The following NRDE2 variants were observed in gnomAD, a reference collection of about 807,000 sequenced individuals.
NRDE2 encodes the protein nuclear exosome regulator NRDE2.
Under a neutral mutation model 124.2 loss-of-function variants are expected in NRDE2, and 76 were observed. The observed-to-expected ratio is 0.61, with a 90% CI of 0.51 to 0.74. NRDE2 has a LOEUF of 0.74. Among genes scored for constraint, NRDE2 ranks in the 30% least tolerant of loss-of-function variants. The pLI is 0.00. For synonymous variants in NRDE2, 489 were observed against 528.1 expected, an observed-to-expected ratio of 0.93 and a Z score of 1.01; for missense variants, 1,314 against 1,417.3, an observed-to-expected ratio of 0.93 and a Z score of 1.17.
chr14:90,278,651 C>T (rs774317012), intron 13 of NRDE2, 190 bp from the exon 14 acceptor site: 1 of 626,496 alleles, frequency 1.6e-6, no homozygotes, highest in Non-Finnish European at 2.7e-6. Context: ...ACTGAACTCG[C>T]AAAAGTGAGC....
chr14:90,321,947 G>C (rs1566701888), intron 1 of NRDE2, among the ~76,000 whole-genome samples: 1 of 152,278 alleles, frequency 6.6e-6, no homozygotes, highest in East Asian at 1.9e-4. Context: ...GCTCTTCAGA[G>C]CACAGCCTGG....
Position 90,290,113 on chromosome 14 carries a change from T to A in NRDE2, c.2229+108A>T, listed in dbSNP as rs1057353067. On this transcript the variant is annotated intron_variant, in intron 10 of 13. Transcript: ENST00000354366. ...CCTTCAGGGTCACTGGAGGAGGAGG[T>A]GCTGGGGCATAGTTCCAGGGAGAGC... The A allele has an allele frequency of 3.2e-5, 39 of 1,203,704 alleles. No homozygotes were observed. The African/African-American group carries it at 5.8e-4, about 18-fold the overall frequency. 74.6% of individuals were successfully genotyped at this position (1,203,704 alleles called of 1,614,324 possible). A position where few individuals can be genotyped will look rare whatever the true frequency, so the allele number is the denominator to read the frequency against.
In NRDE2 at chr14:90,303,031, A is replaced by G. The variant is rs752104653; in HGVS notation, c.1100T>C (p.Leu367Pro). ...CTCAATGGCCCGCTCCAGAATGGCC[A>G]GCTTCTTCTCCAGAATGAGCTTCAG... ...RSLKLILEKK[L>P]AILERAIESN... The change falls in exon 6 of 14, where the codon CTG becomes CCG. Residue 367 changes from leucine (L) to proline (P), a missense_variant. Physicochemically the swap from Leu to Pro is moderately conservative, Grantham distance 98. Coordinates refer to ENST00000354366, the MANE Select transcript of NRDE2 (RefSeq NM_017970.4). 1 of 1,614,030 alleles carries G rather than the reference A, an allele frequency of 6.2e-7. No individual in the cohort carries two copies. The highest frequency in any genetic ancestry group is 1.7e-5 in the Admixed American group (1 of 60,024).
intron 1 of NRDE2, among the ~76,000 whole-genome samples, chr14:90,319,574 T>A (rs2139709807): frequency 6.6e-6 from 1 of 152,300 alleles, no homozygotes; most frequent in East Asian, 1.9e-4. Flanking sequence ...TTTGGACATT[T>A]AATATAAATA....
chr14:90,292,648 A>C, intron 9 of NRDE2, 49 bp downstream of exon 9: 1 of 1,577,204 alleles, frequency 6.3e-7, no homozygotes, highest in African/African-American at 1.4e-5. Flanking sequence ...AATGGAAAGC[A>C]GGCAGGGACC....
intron 1 of NRDE2, among the ~76,000 whole-genome samples, chr14:90,324,948 G>C (rs1701906887): frequency 6.6e-6 from 1 of 152,196 alleles, no homozygotes; most frequent in South Asian, 2.1e-4. Context: ...AGGGAGCAAT[G>C]GCAGGACTAA....
chr14:90,311,451 G>A (rs945289547), intron 4 of NRDE2, among the ~76,000 whole-genome samples: 4 of 152,032 alleles, frequency 2.6e-5, no homozygotes, highest in African/African-American at 7.3e-5. Context: ...TGCTGTTCTC[G>A]TGACAGTGAG....
rs531580336 is a variant in NRDE2 at position 90,271,539 on chromosome 14, T to A, written c.*6797A>T. On this transcript the variant is annotated 3_prime_UTR_variant, in exon 14 of 14. Transcript: ENST00000354366. ...ATTCCATAGTATAGATACTGCCACT[T>A]ACAGTATCTAACCAGAATACATGTT... 80 of 152,364 alleles carry A rather than the reference T, an allele frequency of 5.3e-4. No homozygotes were observed. The highest frequency in any genetic ancestry group is 1.9e-3 in the African/African-American group (78 of 41,578). The allele number at this position is 152,364 out of a possible 1,614,324, so 9.4% of individuals were successfully genotyped here. A position where few individuals can be genotyped will look rare whatever the true frequency, so the allele number is the denominator to read the frequency against.
At chr14:90,281,119 CT>C in intron 12 of NRDE2, 1 of 152,620 alleles carries the variant, frequency 6.6e-6, no homozygotes, top group East Asian at 1.9e-4. Context: ...TACAAACCAT[CT>C]GAAGAACTCA....
chr14:90,329,963 T>C lies in NRDE2; in HGVS notation c.64+1878A>G, dbSNP rs183019171. 2.9e-3 allele frequency among the ~76,000 whole-genome samples: 443 copies of C among 152,090 alleles called. 20 individuals are homozygous for C. The highest frequency in any genetic ancestry group is 3.4e-3 in the Middle Eastern group (1 of 294). Reference sequence around the variant, plus strand: ...GGCTCACAACTGTAATCCCAGCACTTTGGGAGGCTATGGTGGGCGAATCAC... The same window carrying C: ...GGCTCACAACTGTAATCCCAGCACTCTGGGAGGCTATGGTGGGCGAATCAC... On this transcript the variant is annotated intron_variant, in intron 1 of 13. Transcript: ENST00000354366.
At chr14:90,310,127 A>G (rs914997998) in intron 4 of NRDE2, among the ~76,000 whole-genome samples, 2 of 152,240 alleles carry the variant, frequency 1.3e-5, no homozygotes, top group African/African-American at 4.8e-5. Context: ...AAATGAAGCA[A>G]CAGAGGCTCA....
At position 90,302,939 on chromosome 14, in the gene NRDE2, A is replaced by T; in HGVS notation, c.1192T>A (p.Ser398Thr). 1 of 1,614,048 alleles carries T rather than the reference A, an allele frequency of 6.2e-7. No individual in the cohort carries two copies. The highest frequency in any genetic ancestry group is 8.5e-7 in the Non-Finnish European group (1 of 1,180,016). ...TTCTGCCACTCTTTGACCAGAGTGG[A>T]GGGCTCCCAGAACTCTGTGCAGAGC... ...LKLCTEFWEP[S>T]TLVKEWQKLI... The change falls in exon 6 of 14, where the codon TCC (serine) becomes ACC (threonine). Residue 398 changes from serine to threonine, a missense_variant. Coordinates refer to ENST00000354366, the MANE Select transcript of NRDE2 (RefSeq NM_017970.4).
intron 9 of NRDE2, among the ~76,000 whole-genome samples, chr14:90,291,259 C>A (rs904425494): frequency 1.3e-5 from 2 of 152,184 alleles, no homozygotes; most frequent in African/African-American, 4.8e-5. Context: ...TGTCCTGGTG[C>A]TGCTTATCTG....
intron 1 of NRDE2, 62 bp downstream of exon 1, chr14:90,331,779 G>A (rs534440053): frequency 6.5e-7 from 1 of 1,536,626 alleles, no homozygotes; most frequent in Non-Finnish European, 9.0e-7. Flanking sequence ...GTCTAGACCT[G>A]GGCCCGAGAA....
At chr14:90,321,758 T>C (rs1025021845) in intron 1 of NRDE2, among the ~76,000 whole-genome samples, 2 of 152,116 alleles carry the variant, frequency 1.3e-5, no homozygotes, top group African/African-American at 4.8e-5. Context: ...GAAGTAATAA[T>C]CACTGTATGG....
chr14:90,301,880 C>T (rs1471451392), intron 6 of NRDE2: 2 of 454,582 alleles, frequency 4.4e-6, no homozygotes, highest in Non-Finnish European at 8.8e-6. Flanking sequence ...TACTAAATAA[C>T]ACTAAGCTAT....
intron 6 of NRDE2, chr14:90,301,825 A>G: frequency 2.2e-6 from 1 of 456,020 alleles, no homozygotes; most frequent in South Asian, 1.6e-5. Context: ...TCAAGGTTCC[A>G]TGTCTGAACA....
intron 3 of NRDE2, 54 bp from the exon 4 acceptor site, chr14:90,312,597 T>C (rs545786547): frequency 1.3e-6 from 2 of 1,589,514 alleles, no homozygotes; most frequent in South Asian, 2.2e-5. Flanking sequence ...AATCTTCCAG[T>C]GACGCAGGTG....
intron 6 of NRDE2, chr14:90,301,851 C>T (rs1443172669): frequency 6.6e-6 from 3 of 455,568 alleles, no homozygotes; most frequent in East Asian, 1.4e-4. Flanking sequence ...GTTCATCTTA[C>T]TTTTGGTACA....
Sources: allele counts gnomAD v4.1 joint callset (sites outside exome capture counted in the v4.1 genomes callset), GRCh38; gene constraint gnomAD v4.1.1; transcripts MANE v1.5; gene names NCBI Gene and HGNC (gene_info 2026-07-23, HGNC 2026-07-21).